The following SPSB3 variants were observed in gnomAD, a reference collection of about 807,000 sequenced individuals.
SPSB3 encodes the protein SPRY domain-containing SOCS box protein 3.
SPSB3 carries 18 observed loss-of-function variants against 29.5 expected under a neutral mutation model. The ratio of observed to expected loss-of-function variants is 0.61; its 90% CI spans 0.42 to 0.91. The LOEUF is 0.91. Among genes scored for constraint, SPSB3 ranks in the 40% least tolerant of loss-of-function variants. The pLI is 0.00. For missense variants in SPSB3, 540 were observed against 507.5 expected, an observed-to-expected ratio of 1.06 and a Z score of -0.61; for synonymous variants, 299 against 214.1, an observed-to-expected ratio of 1.40 and a Z score of -3.46.
At chr16:1,777,567 T>C (rs1318427171) in intron 6 of SPSB3, 124 bp from the exon 7 acceptor site, 2 of 1,333,198 alleles carry the variant, frequency 1.5e-6, no homozygotes, top group African/African-American at 2.9e-5. Flanking sequence ...CAAGGCAGGG[T>C]GCACGCGCTG....
intron 1 of SPSB3, 76 bp from the exon 2 acceptor site, chr16:1,781,571 G>C: frequency 1.3e-6 from 2 of 1,518,040 alleles, no homozygotes; most frequent in Non-Finnish European, 8.9e-7. Context: ...CTGGGCCACG[G>C]ACCCACTCAA....
At chr16:1,778,932 G>C (rs2086022805) in intron 2 of SPSB3, 4 of 267,470 alleles carry the variant, frequency 1.5e-5, no homozygotes, top group Non-Finnish European at 2.8e-5. Context: ...AGATGGTGTG[G>C]ACACCTTCCC....
Position 1,778,577 on chromosome 16 carries a change from C to G in SPSB3, c.162G>C (p.Thr54=), listed in dbSNP as rs762523870. 3.8e-6 allele frequency: 6 copies of G among 1,591,044 alleles called. No individual in the cohort carries two copies. The highest frequency in any genetic ancestry group is 5.1e-6 in the Non-Finnish European group (6 of 1,165,292). ...SDSDSDPEYS[T]LPPSIPSAVP... ...CCGCACTGGGGATGGATGGCGGCAG[C>G]GTGGAGTACTCGGGGTCGGAGTCCG... Residue 54 remains threonine (T), a synonymous_variant, in exon 3 of 7, where the codon ACG becomes ACC. Coordinates refer to ENST00000566339, the MANE Select transcript of SPSB3 (RefSeq NM_080861.4).
At position 1,781,368 on chromosome 16, in the gene SPSB3, G is replaced by A; in HGVS notation, c.116C>T (p.Ser39Phe). 6.2e-7 allele frequency: 1 copy of A among 1,612,874 alleles called. No homozygotes were observed. Among genetic ancestry groups the A allele is most frequent in the Non-Finnish European group, 8.5e-7 (1 of 1,180,004 alleles). ...CCCGCTGGAACCTACCTGCCCATCA[G>A]AGTCGTAGCCCCAGTTAGTGGAGCC... ...LAGSTNWGYDSDGQHSDSDSD... is the reference protein window; with the variant it reads ...LAGSTNWGYDFDGQHSDSDSD... The change falls in exon 2 of 7, where the codon TCT (serine) becomes TTT (phenylalanine). Residue 39 changes from serine to phenylalanine, a missense_variant. By Grantham distance (155) the Ser-to-Phe change is radical (BLOSUM62 -2). Transcript: ENST00000566339.
Position 1,777,983 on chromosome 16 carries a change from C to T in SPSB3, c.558G>A (p.Leu186=). ...GGCCCCAGCTGTCCTCATCCCTGCC[C>T]AGCAGGCTGCAGAACGTGTGGCGGT... The part of the protein sequence containing the change: ...DKYRHTFCSL[L]GRDEDSWGLS... The change falls in exon 5 of 7, where the codon CTG becomes CTA. Residue 186 remains leucine (L), a synonymous_variant. Coordinates refer to ENST00000566339, the MANE Select transcript of SPSB3 (RefSeq NM_080861.4). The T allele has an allele frequency of 1.9e-6, 3 of 1,613,164 alleles. No individual in the cohort carries two copies. Among genetic ancestry groups the T allele is most frequent in the Non-Finnish European group, 2.5e-6 (3 of 1,179,958 alleles).
rs764193903 is a variant in SPSB3, at chr16:1,781,207, C to T, written c.126+151G>A. 11 of 1,565,126 alleles carry T rather than the reference C, an allele frequency of 7.0e-6. No homozygotes were observed. The South Asian group carries it at 9.2e-5, about 13-fold the overall frequency. On this transcript the variant is annotated intron_variant, in intron 2 of 6. Transcript: ENST00000566339. Reference sequence around the variant, plus strand: ...AAGAGTCTTACTGAATGCGGTGCATCCAGGAGACAGGCCCAGGTTTGGACT... The same window carrying T: ...AAGAGTCTTACTGAATGCGGTGCATTCAGGAGACAGGCCCAGGTTTGGACT...
intron 5 of SPSB3, 35 bp downstream of exon 5, chr16:1,777,911 A>G (rs763447779): frequency 6.2e-7 from 1 of 1,611,824 alleles, no homozygotes; most frequent in Non-Finnish European, 8.5e-7. Flanking sequence ...CGGGAGCTCC[A>G]GGCTCGGCCC....
At chr16:1,778,343 G>A in intron 3 of SPSB3, 22 bp from the exon 4 acceptor site, 1 of 1,611,384 alleles carries the variant, frequency 6.2e-7, no homozygotes. Context: ...GCCCAGGCTG[G>A]GGCAGCCCTG....
chr16:1,778,703 C>T lies in SPSB3; in HGVS notation c.127-91G>A, dbSNP rs2042751831. ...GTCCCTGTCCCACCCTGTCCCTGACCCACCCAGGAAAGGATGGGGGTCCAG... is the reference window on the plus strand; with the variant it reads ...GTCCCTGTCCCACCCTGTCCCTGACTCACCCAGGAAAGGATGGGGGTCCAG... On this transcript the variant is annotated intron_variant, in intron 2 of 6. Transcript: ENST00000566339. 3 of 1,426,264 alleles carry T rather than the reference C, an allele frequency of 2.1e-6. No homozygotes were observed. In the Admixed American group the frequency reaches 7.6e-5, roughly 36 times the overall value. 88.4% of individuals were successfully genotyped at this position (1,426,264 alleles called of 1,614,324 possible). A position where few individuals can be genotyped will look rare whatever the true frequency, so the allele number is the denominator to read the frequency against.
At chr16:1,781,204 C>A (rs1340099675) in intron 2 of SPSB3, 154 bp downstream of exon 2, 1 of 1,560,986 alleles carries the variant, frequency 6.4e-7, no homozygotes, top group African/African-American at 1.4e-5. Flanking sequence ...GAATGCGGTG[C>A]ATCCAGGAGA....
intron 1 of SPSB3, 154 bp from the exon 2 acceptor site, chr16:1,781,649 C>T (rs1896717603): frequency 1.3e-6 from 1 of 756,008 alleles, no homozygotes; most frequent in Non-Finnish European, 2.1e-6. Flanking sequence ...GCCCGTACCT[C>T]ACTCCAGGAT....
At chr16:1,778,089 C>T (rs745969511) in intron 4 of SPSB3, 41 bp from the exon 5 acceptor site, 1 of 1,612,932 alleles carries the variant, frequency 6.2e-7, no homozygotes, top group South Asian at 1.1e-5. Context: ...GGCTGGGCTG[C>T]CGGAGCCAGG....
Position 1,777,331 on chromosome 16 carries a change from C to T in SPSB3, c.834G>A (p.Gln278=), listed in dbSNP as rs774877265. The change falls in exon 7 of 7, where the codon CAG becomes CAA. Residue 278 remains glutamine (Q), a synonymous_variant. Transcript: ENST00000566339. Reference sequence around the variant, plus strand: ...GGCGCAGGCGGTGGCAGCACAGGTACTGGAGGGAAGTGGCGCTGGCACAGG... The same window carrying T: ...GGCGCAGGCGGTGGCAGCACAGGTATTGGAGGGAAGTGGCGCTGGCACAGG... ...TRSCASATSL[Q]YLCCHRLRQL... 10 of 1,608,908 alleles carry T rather than the reference C, an allele frequency of 6.2e-6. No homozygotes were observed. In the African/African-American group the frequency reaches 6.7e-5, roughly 11 times the overall value.
At chr16:1,777,907 C>G in intron 5 of SPSB3, 35 bp from the exon 6 acceptor site, 3 of 1,611,850 alleles carry the variant, frequency 1.9e-6, no homozygotes, top group Non-Finnish European at 2.5e-6. Context: ...AGCCCGGGAG[C>G]TCCAGGCTCG....
At chr16:1,780,065 G>C (rs987954989) in intron 2 of SPSB3, 2 of 152,370 alleles carry the variant, frequency 1.3e-5, no homozygotes, top group African/African-American at 4.8e-5. Context: ...GGCTGAGCCG[G>C]AACAGCAGCG....
At chr16:1,779,378 C>G (rs992636415) in intron 2 of SPSB3, 2 of 152,640 alleles carry the variant, frequency 1.3e-5, no homozygotes, top group Non-Finnish European at 2.9e-5. Flanking sequence ...GGCGGGGGGC[C>G]TGTGGCAGAG....
At chr16:1,778,812 C>T (rs1458724014) in intron 2 of SPSB3, 200 bp from the exon 3 acceptor site, 1 of 527,196 alleles carries the variant, frequency 1.9e-6, no homozygotes, top group Non-Finnish European at 3.2e-6. Flanking sequence ...TCTGCATGAC[C>T]AGGAGGGCCC....
intron 1 of SPSB3, chr16:1,781,999 G>T: frequency 5.6e-6 from 1 of 179,714 alleles, no homozygotes; most frequent in South Asian, 9.6e-5. Flanking sequence ...GCTCGCTACC[G>T]CCAGGGCTCC....
In SPSB3 at chr16:1,776,974, T is replaced by C. The variant is rs2042722746; in HGVS notation, c.*123A>G. On this transcript the variant is annotated 3_prime_UTR_variant, in exon 7 of 7. Coordinates refer to ENST00000566339, the MANE Select transcript of SPSB3 (RefSeq NM_080861.4). ...CCCAGCCTCGGGAGCAAGAGATGGC[T>C]CCCTCCGGACGGGCCTCATCCAACT... 1.8e-6 allele frequency: 2 copies of C among 1,122,948 alleles called. No homozygotes were observed. The highest frequency in any genetic ancestry group is 3.1e-5 in the South Asian group (2 of 65,264). 69.6% of individuals were successfully genotyped at this position (1,122,948 alleles called of 1,614,324 possible).
Sources: allele counts gnomAD v4.1 joint callset, GRCh38; gene constraint gnomAD v4.1.1; transcripts MANE v1.5; gene names NCBI Gene and HGNC (gene_info 2026-07-23, HGNC 2026-07-21).